ADGRV1: variants seen among roughly 807,000 people sequenced by gnomAD.
ADGRV1 encodes the protein G-protein coupled receptor 98.
ADGRV1 carries 359 observed loss-of-function variants against 596.2 expected under a neutral mutation model. That is an observed-to-expected ratio of 0.60 (90% CI 0.55 to 0.66). ADGRV1 has a LOEUF of 0.66. Among genes scored for constraint, ADGRV1 ranks in the 30% least tolerant of loss-of-function variants. ADGRV1 has a pLI of 0.00. For synonymous variants in ADGRV1, 2,681 were observed against 2,679.2 expected, an observed-to-expected ratio of 1.00 and a Z score of -0.02; for missense variants, 7,274 against 7,575.6, an observed-to-expected ratio of 0.96 and a Z score of 1.48.
At chr5:91,108,236 A>G (rs767131629) in intron 87 of ADGRV1, among the ~76,000 whole-genome samples, 5 of 152,204 alleles carry the variant, frequency 3.3e-5, no homozygotes, top group African/African-American at 7.2e-5. Context: ...AGGCATTTCC[A>G]TGGAATATGG....
At chr5:91,011,923 T>C (rs1352301375) in intron 85 of ADGRV1, among the ~76,000 whole-genome samples, 2 of 151,896 alleles carry the variant, frequency 1.3e-5, no homozygotes, top group East Asian at 1.9e-4. Flanking sequence ...ATACTGAAAA[T>C]TCCCCCAGGT....
At chr5:91,095,501 G>T (rs1217387749) in intron 86 of ADGRV1, among the ~76,000 whole-genome samples, 1 of 152,012 alleles carries the variant, frequency 6.6e-6, no homozygotes, top group Admixed American at 6.6e-5. Context: ...GTGCCTTATT[G>T]CCTTCCTGTA....
intron 83 of ADGRV1, among the ~76,000 whole-genome samples, chr5:90,939,493 C>G (rs914533612): frequency 7.9e-5 from 12 of 152,266 alleles, no homozygotes; most frequent in Non-Finnish European, 1.8e-4. Flanking sequence ...AGCTGACTTT[C>G]CATGCAATTT....
At chr5:90,884,449 G>C (rs1346362560) in intron 83 of ADGRV1, among the ~76,000 whole-genome samples, 1 of 152,016 alleles carries the variant, frequency 6.6e-6, no homozygotes, top group Non-Finnish European at 1.5e-5. Flanking sequence ...TAACACAACT[G>C]GGTCATTAAA....
At chr5:90,765,627 T>C (rs953652245) in intron 59 of ADGRV1, among the ~76,000 whole-genome samples, 1 of 152,172 alleles carries the variant, frequency 6.6e-6, no homozygotes, top group African/African-American at 2.4e-5. Context: ...TTCTTTATGG[T>C]AGGAACAGTC....
At chr5:91,015,981 G>A (rs1274279510) in intron 85 of ADGRV1, among the ~76,000 whole-genome samples, 1 of 151,902 alleles carries the variant, frequency 6.6e-6, no homozygotes, top group Non-Finnish European at 1.5e-5. Flanking sequence ...GTGTATTTAA[G>A]TGTGTTTTGT....
At position 90,810,717 on chromosome 5, in the gene ADGRV1, G is replaced by A. The variant is rs1290132272; in HGVS notation, c.15457G>A (p.Val5153Ile). The A allele has an allele frequency of 4.3e-6, 7 of 1,613,768 alleles. No individual in the cohort carries two copies. The South Asian group carries it at 6.6e-5, about 15-fold the overall frequency. ...AVAVDTTLIPVETESTTYLST... is the reference protein window; with the variant it reads ...AVAVDTTLIPIETESTTYLST... ...AGCAGTTGACACAACTCTCATTCCT[G>A]TAGAAACTGAATCCACCACATACCT... is the stretch of plus-strand genomic sequence containing the variant. The change falls in exon 74 of 90, where the codon GTA (valine) becomes ATA (isoleucine). Residue 5153 changes from valine to isoleucine, a missense_variant. Val to Ile is a conservative substitution (Grantham distance 29). Transcript: ENST00000405460.
At chr5:90,666,140 C>T (rs1268225342) in intron 21 of ADGRV1, among the ~76,000 whole-genome samples, 35 of 146,954 alleles carry the variant, frequency 2.4e-4, no homozygotes, top group South Asian at 6.6e-4. Flanking sequence ...CCGCTTGGTG[C>T]AGAGCTGAGT....
chr5:90,771,961 A>G (rs1757738276), intron 59 of ADGRV1, among the ~76,000 whole-genome samples: 1 of 152,172 alleles, frequency 6.6e-6, no homozygotes, highest in Admixed American at 6.5e-5. Context: ...AACATTTATT[A>G]CTATCTTTCG....
In ADGRV1 at chr5:90,653,345, C is replaced by T; in HGVS notation, c.3771C>T (p.Val1257=). 6.2e-7 allele frequency: 1 copy of T among 1,613,894 alleles called. No homozygotes were observed. The highest frequency in any genetic ancestry group is 8.5e-7 in the Non-Finnish European group (1 of 1,179,868). Residue 1257 remains valine (V), a synonymous_variant, in exon 20 of 90, where the codon GTC becomes GTT. Coordinates refer to ENST00000405460, the MANE Select transcript of ADGRV1 (RefSeq NM_032119.4). ...ECLEREVAED[V]LSEDDMSYIT... ...TAGAGAGAGAAGTGGCAGAAGATGTCCTGTCTGAAGATGATATGTCTTATA... is the reference window on the plus strand; with the variant it reads ...TAGAGAGAGAAGTGGCAGAAGATGTTCTGTCTGAAGATGATATGTCTTATA...
intron 1 of ADGRV1, among the ~76,000 whole-genome samples, chr5:90,560,107 G>C (rs1038723690): frequency 1.3e-5 from 2 of 152,052 alleles, no homozygotes; most frequent in African/African-American, 4.8e-5. Context: ...TAATTTTCTG[G>C]CTCTGCCATT....
chr5:90,927,671 C>T (rs1189769993), intron 83 of ADGRV1, among the ~76,000 whole-genome samples: 1 of 151,586 alleles, frequency 6.6e-6, no homozygotes, highest in Non-Finnish European at 1.5e-5. Context: ...TTGATCCTGT[C>T]ATTATGATGT....
chr5:90,703,564 G>A, intron 34 of ADGRV1, 101 bp from the exon 35 acceptor site: 4 of 762,652 alleles, frequency 5.2e-6, no homozygotes, highest in Non-Finnish European at 8.4e-6. Context: ...CTTGGGAAAG[G>A]TGCTGTAATA....
Position 90,642,914 on chromosome 5 carries a change from T to G in ADGRV1, c.2426T>G (p.Phe809Cys). Residue 809 changes from phenylalanine to cysteine, a missense_variant, in exon 13 of 90, where the codon TTT becomes TGT. This residue lies in a region of ADGRV1 where 1,715 missense variants were observed against 1,708.8 expected (regional missense o/e 1.00). Transcript: ENST00000405460. ...TCAAGGGGGTCCCTTGTTAAGCAGTTTCTACACTACCGAGTAGAGCCAAGA... is the reference window on the plus strand; with the variant it reads ...TCAAGGGGGTCCCTTGTTAAGCAGTGTCTACACTACCGAGTAGAGCCAAGA... ...IRSRGSLVKQ[F>C]LHYRVEPRDS... 1 of 1,612,866 alleles carries G rather than the reference T, an allele frequency of 6.2e-7. No homozygotes were observed. Among genetic ancestry groups the G allele is most frequent in the African/African-American group, 1.3e-5 (1 of 75,004 alleles).
intron 20 of ADGRV1, chr5:90,654,414 A>C (rs1323983059): frequency 5.3e-6 from 1 of 189,042 alleles, no homozygotes; most frequent in East Asian, 1.4e-4. Context: ...AAAAGAAAGC[A>C]GGAGAGAAGA....
At chr5:90,917,759 A>G (rs74812865) in intron 83 of ADGRV1, among the ~76,000 whole-genome samples, 1,861 of 152,308 alleles carry the variant, frequency 0.012, 31 homozygotes, top group African/African-American at 0.042. Context: ...AGGCTTTGTC[A>G]CAAATACCAA....
In ADGRV1 at chr5:90,978,295, A is replaced by AAAATAAATAAATAAAT. The variant is rs10529732; in HGVS notation, c.17974-7035_17974-7020dup. On this transcript the variant is annotated intron_variant, in intron 84 of 89. Coordinates refer to ENST00000405460, the MANE Select transcript of ADGRV1 (RefSeq NM_032119.4). ...GGGGGACAGAGCGAGACTTCATCTC[A>AAAATAAATAAATAAAT]AAATAAATAAATAAATAAATAAATA... 6.4e-3 allele frequency among the ~76,000 whole-genome samples: 944 copies of AAAATAAATAAATAAAT among 148,562 alleles called. 9 individuals are homozygous for AAAATAAATAAATAAAT. Among genetic ancestry groups the AAAATAAATAAATAAAT allele is most frequent in the African/African-American group, 0.021 (858 of 39,978 alleles).
At chr5:91,052,832 A>C (rs1483541252) in intron 85 of ADGRV1, among the ~76,000 whole-genome samples, 3 of 152,156 alleles carry the variant, frequency 2.0e-5, no homozygotes, top group Non-Finnish European at 2.9e-5. Context: ...ATAAAGGGCA[A>C]ATTTAGATTA....
At chr5:90,690,662 A>C in intron 30 of ADGRV1, 135 bp from the exon 31 acceptor site, 1 of 844,512 alleles carries the variant, frequency 1.2e-6, no homozygotes, top group Non-Finnish European at 1.8e-6. Context: ...ACAGCATGTT[A>C]CTCTGGTTTT....
Sources: allele counts gnomAD v4.1 joint callset (sites outside exome capture counted in the v4.1 genomes callset), GRCh38; gene constraint gnomAD v4.1.1; regional missense constraint gnomAD v4.1.1; transcripts MANE v1.5; gene names NCBI Gene and HGNC (gene_info 2026-07-23, HGNC 2026-07-21).